The following GRID2 variants were observed in gnomAD, a reference collection of about 807,000 sequenced individuals.
The protein encoded by GRID2 is glutamate ionotropic receptor delta type subunit 2, also known as glutamate receptor ionotropic, delta-2.
A neutral mutation model predicts 114.8 loss-of-function variants in GRID2; 33 were observed. The ratio of observed to expected loss-of-function variants is 0.29; its 90% CI spans 0.22 to 0.38. The LOEUF is 0.38. GRID2 is among the 10% of genes least tolerant of loss of function. GRID2 has a pLI of 1.00. For synonymous variants in GRID2, 505 were observed against 449.9 expected (o/e 1.12, Z -1.55); for missense variants, 1,184 against 1,257.7 (o/e 0.94, Z 0.89).
intron 2 of GRID2, among the ~76,000 whole-genome samples, chr4:92,692,527 T>C (rs1313136158): frequency 1.3e-5 from 2 of 152,206 alleles, no homozygotes; most frequent in South Asian, 4.1e-4. Context: ...TACTTAATAA[T>C]ATAGCTTTTT....
intron 1 of GRID2, among the ~76,000 whole-genome samples, chr4:92,570,121 A>T (rs992952975): frequency 6.6e-6 from 1 of 152,004 alleles, no homozygotes; most frequent in Non-Finnish European, 1.5e-5. Flanking sequence ...ATCCATCTTG[A>T]GTTGATTTTC....
At chr4:92,918,985 C>A (rs533163343) in intron 2 of GRID2, among the ~76,000 whole-genome samples, 2 of 152,170 alleles carry the variant, frequency 1.3e-5, no homozygotes, top group South Asian at 4.2e-4. Flanking sequence ...TGGTCCTGGA[C>A]TTTTTTTGGT....
At chr4:93,101,436 G>A (rs967539996) in intron 3 of GRID2, among the ~76,000 whole-genome samples, 1 of 151,552 alleles carries the variant, frequency 6.6e-6, no homozygotes, top group African/African-American at 2.4e-5. Context: ...ACCCTTCTTG[G>A]CCCCTGGTCA....
chr4:92,443,543 C>G (rs376155945), intron 1 of GRID2, among the ~76,000 whole-genome samples: 1 of 151,958 alleles, frequency 6.6e-6, no homozygotes, highest in South Asian at 2.1e-4. Flanking sequence ...GGTTGGGGCA[C>G]AGAGATAAGA....
At chr4:92,512,598 G>T (rs1724309091) in intron 1 of GRID2, among the ~76,000 whole-genome samples, 1 of 151,780 alleles carries the variant, frequency 6.6e-6, no homozygotes, top group Non-Finnish European at 1.5e-5. Context: ...ATATTTTGGG[G>T]TCCTAGGTAG....
At chr4:93,415,345 T>A (rs1238797509) in intron 9 of GRID2, among the ~76,000 whole-genome samples, 2 of 152,146 alleles carry the variant, frequency 1.3e-5, no homozygotes, top group Admixed American at 6.6e-5. Context: ...TGCATGTGGA[T>A]AGACACATGT....
intron 9 of GRID2, among the ~76,000 whole-genome samples, chr4:93,404,090 T>G (rs1206689484): frequency 1.3e-5 from 2 of 152,092 alleles, no homozygotes; most frequent in African/African-American, 4.8e-5. Flanking sequence ...GGATGAACCT[T>G]GAAAGCATGC....
chr4:92,738,898 C>T (rs1736731241), intron 2 of GRID2, among the ~76,000 whole-genome samples: 2 of 152,138 alleles, frequency 1.3e-5, no homozygotes, highest in Admixed American at 1.3e-4. Context: ...AGAACCCTGG[C>T]TCTAAGCAGT....
intron 2 of GRID2, among the ~76,000 whole-genome samples, chr4:92,646,036 T>C (rs780754273): frequency 4.0e-5 from 6 of 151,786 alleles, no homozygotes; most frequent in Non-Finnish European, 5.9e-5. Flanking sequence ...TCCATCTTGA[T>C]TGCACTGTTT....
chr4:92,881,642 T>G (rs762817363), intron 2 of GRID2, among the ~76,000 whole-genome samples: 2 of 152,228 alleles, frequency 1.3e-5, no homozygotes, highest in Non-Finnish European at 2.9e-5. Context: ...CAGTGCTTAA[T>G]AAAACAACCA....
intron 2 of GRID2, among the ~76,000 whole-genome samples, chr4:92,790,575 C>G (rs1017617017): frequency 6.6e-6 from 1 of 151,430 alleles, no homozygotes; most frequent in Admixed American, 6.6e-5. Context: ...ACCACCACGC[C>G]CAGCTAATTT....
At chr4:93,490,250 A>G (rs1375695105) in intron 11 of GRID2, among the ~76,000 whole-genome samples, 2 of 151,904 alleles carry the variant, frequency 1.3e-5, no homozygotes, top group African/African-American at 4.8e-5. Context: ...AATATTATTT[A>G]TTTAACTGGA....
At chr4:92,465,490 A>G (rs1187379056) in intron 1 of GRID2, among the ~76,000 whole-genome samples, 1 of 152,144 alleles carries the variant, frequency 6.6e-6, no homozygotes, top group African/African-American at 2.4e-5. Flanking sequence ...AATTATTTAT[A>G]TAGAGCTATA....
At chr4:93,261,400 A>G (rs1750240452) in intron 8 of GRID2, among the ~76,000 whole-genome samples, 1 of 151,970 alleles carries the variant, frequency 6.6e-6, no homozygotes, top group Middle Eastern at 3.4e-3. Flanking sequence ...AATCTAACTC[A>G]GTATTAGTGA....
At chr4:92,697,524 T>G (rs987614334) in intron 2 of GRID2, among the ~76,000 whole-genome samples, 1 of 152,156 alleles carries the variant, frequency 6.6e-6, no homozygotes, top group East Asian at 1.9e-4. Flanking sequence ...TAAGAAGAGA[T>G]AACTGGCATG....
At chr4:93,131,140 A>C in intron 4 of GRID2, among the ~76,000 whole-genome samples, 1 of 129,536 alleles carries the variant, frequency 7.7e-6, no homozygotes, top group East Asian at 2.6e-4. Context: ...TGAAAAGATT[A>C]AATAATTTTT....
At chr4:92,413,468 T>C (rs1271500318) in intron 1 of GRID2, among the ~76,000 whole-genome samples, 1 of 152,134 alleles carries the variant, frequency 6.6e-6, no homozygotes, top group African/African-American at 2.4e-5. Context: ...CAGTTAACTA[T>C]CCAAGTCAGT....
In GRID2 at chr4:92,321,868, A is replaced by G. The variant is rs547264781; in HGVS notation, c.88+17124A>G. 9.2e-5 allele frequency among the ~76,000 whole-genome samples: 14 copies of G among 152,230 alleles called. 1 individual carries two copies. The highest frequency in any genetic ancestry group is 3.4e-3 in the Middle Eastern group (1 of 294). On this transcript the variant is annotated intron_variant, in intron 1 of 15. Transcript: ENST00000282020. ...TCAAATCTTGCCTTGGTCTTTTTCT[A>G]CTTCCTGGCTGTGAAGTCCTTGGAT... is the stretch of plus-strand genomic sequence containing the variant.
intron 2 of GRID2, among the ~76,000 whole-genome samples, chr4:92,697,620 GAT>G (rs1163289481): frequency 1.3e-5 from 2 of 152,174 alleles, no homozygotes; most frequent in Admixed American, 1.3e-4. Flanking sequence ...GAGATAAAGG[GAT>G]ATATGTGAGC....
Sources: gnomAD v4.1 joint callset for allele counts (sites outside exome capture counted in the v4.1 genomes callset) on GRCh38, gnomAD v4.1.1 for gene constraint, MANE v1.5 for transcripts, NCBI Gene and HGNC (gene_info 2026-07-23, HGNC 2026-07-21) for gene names.